SULT4A1: variants seen among roughly 807,000 people sequenced by gnomAD.
SULT4A1 encodes sulfotransferase 4A1.
A neutral mutation model predicts 35.2 loss-of-function variants in SULT4A1; 11 were observed. The observed-to-expected ratio is 0.31, with a 90% CI of 0.20 to 0.52. The LOEUF (loss-of-function observed/expected upper bound fraction) is 0.52. Among genes scored for constraint, SULT4A1 ranks in the 20% least tolerant of loss-of-function variants. The probability of loss-of-function intolerance (pLI) is 0.97; values close to 1 mark genes in which losing one functional copy is unlikely to be tolerated. For synonymous variants in SULT4A1, 152 were observed against 151.8 expected, an observed-to-expected ratio of 1.00 and a Z score of -0.01; for missense variants, 271 against 383.7, an observed-to-expected ratio of 0.71 and a Z score of 2.45.
chr22:43,839,010 C>A lies in SULT4A1; in HGVS notation c.382-17G>T. 1 of 1,613,046 alleles carries A rather than the reference C, an allele frequency of 6.2e-7. No homozygotes were observed. The highest frequency in any genetic ancestry group is 8.5e-7 in the Non-Finnish European group (1 of 1,179,154). Reference sequence around the variant, plus strand: ...ATAGATGACCTGTGGGTGACAGGAGCAGGATGAGTCCGTGTCTCCTTCCCT... The same window carrying A: ...ATAGATGACCTGTGGGTGACAGGAGAAGGATGAGTCCGTGTCTCCTTCCCT... On this transcript the variant is annotated splice_polypyrimidine_tract_variant and intron_variant, in intron 3 of 6. Coordinates refer to ENST00000330884, the MANE Select transcript of SULT4A1 (RefSeq NM_014351.4).
intron 6 of SULT4A1, among the ~76,000 whole-genome samples, chr22:43,828,642 C>T (rs181075810): frequency 6.6e-6 from 1 of 152,230 alleles, no homozygotes; most frequent in Non-Finnish European, 1.5e-5. Context: ...ATTTAACTCT[C>T]CCACAAGTCA....
intron 5 of SULT4A1, 104 bp downstream of exon 5, chr22:43,833,536 C>T: frequency 5.7e-6 from 5 of 871,946 alleles, no homozygotes; most frequent in Admixed American, 2.2e-5. Context: ...CTCCTCAGAC[C>T]CCTCCTCCTC....
At chr22:43,856,683 C>A (rs562702989) in intron 1 of SULT4A1, among the ~76,000 whole-genome samples, 25 of 152,286 alleles carry the variant, frequency 1.6e-4, no homozygotes, top group African/African-American at 5.3e-4. Context: ...TGAGAAAAAA[C>A]CTCTGGAAAC....
At chr22:43,834,055 GA>G (rs1276804763) in intron 4 of SULT4A1, among the ~76,000 whole-genome samples, 3 of 152,166 alleles carry the variant, frequency 2.0e-5, no homozygotes, top group Non-Finnish European at 2.9e-5. Context: ...GGAAGCCCTG[GA>G]ACAAAGCCCA....
intron 5 of SULT4A1, among the ~76,000 whole-genome samples, chr22:43,832,403 C>T (rs531577514): frequency 1.1e-4 from 17 of 152,304 alleles, no homozygotes; most frequent in Admixed American, 7.8e-4. Flanking sequence ...ATGCGCCAGC[C>T]GGCAGCAGAC....
chr22:43,849,498 G>A (rs2063497186), intron 1 of SULT4A1, among the ~76,000 whole-genome samples: 4 of 152,156 alleles, frequency 2.6e-5, no homozygotes, highest in Admixed American at 2.6e-4. Context: ...GTAACTGGAC[G>A]TCAGAGACTA....
chr22:43,832,939 C>T (rs1450579294), intron 5 of SULT4A1, among the ~76,000 whole-genome samples: 4 of 152,296 alleles, frequency 2.6e-5, no homozygotes, highest in Admixed American at 6.5e-5. Flanking sequence ...TGTCTGTCAG[C>T]CACTGACACT....
At chr22:43,860,962 G>A in intron 1 of SULT4A1, among the ~76,000 whole-genome samples, 1 of 152,020 alleles carries the variant, frequency 6.6e-6, no homozygotes, top group Admixed American at 6.6e-5. Flanking sequence ...CTGAGCCTCT[G>A]AAAAAAAGGT....
At chr22:43,841,463 C>T (rs1028971838) in intron 2 of SULT4A1, among the ~76,000 whole-genome samples, 7 of 152,162 alleles carry the variant, frequency 4.6e-5, no homozygotes, top group African/African-American at 1.7e-4. Flanking sequence ...ATATTTGATG[C>T]AAACACATCC....
chr22:43,826,243 G>T, intron 6 of SULT4A1, 130 bp from the exon 7 acceptor site: 1 of 1,475,530 alleles, frequency 6.8e-7, no homozygotes, highest in South Asian at 1.4e-5. Context: ...TGGCCTATGG[G>T]GGCAGGAAGG....
At position 43,825,761 on chromosome 22, in the gene SULT4A1, G is replaced by A. The variant is rs538666562; in HGVS notation, c.*240C>T. ...TTTATCCTTACGGTCCAGGCCATTG[G>A]AACTGCAATGTGGAGACTGTTTGTA... On this transcript the variant is annotated 3_prime_UTR_variant, in exon 7 of 7. Transcript: ENST00000330884. 3.2e-4 allele frequency: 151 copies of A among 469,860 alleles called. No homozygotes were observed. In the East Asian group the frequency reaches 6.1e-3, roughly 19 times the overall value. 29.1% of individuals were successfully genotyped at this position (469,860 alleles called of 1,614,324 possible). A position where few individuals can be genotyped will look rare whatever the true frequency, so the allele number is the denominator to read the frequency against.
chr22:43,839,082 G>A (rs1383274752), intron 3 of SULT4A1, 89 bp from the exon 4 acceptor site: 7 of 1,544,020 alleles, frequency 4.5e-6, no homozygotes, highest in Non-Finnish European at 6.2e-6. Flanking sequence ...TGAACCTGCT[G>A]GTGCACCTCA....
At chr22:43,838,832 C>T in intron 4 of SULT4A1, 35 bp downstream of exon 4, 1 of 1,612,560 alleles carries the variant, frequency 6.2e-7, no homozygotes, top group Non-Finnish European at 8.5e-7. Context: ...ACAGACGGCT[C>T]CGGTTCTAAC....
intron 1 of SULT4A1, among the ~76,000 whole-genome samples, chr22:43,856,064 C>G (rs1278210449): frequency 6.6e-6 from 1 of 152,200 alleles, no homozygotes; most frequent in Admixed American, 6.5e-5. Flanking sequence ...GAGTTCACAC[C>G]CAAACACAGG....
chr22:43,825,226 C>G lies in SULT4A1; in HGVS notation c.*775G>C, dbSNP rs1241258277. Reference sequence around the variant, plus strand: ...CAACTCGGTCCTTTGGTGGCCGACTCTCCACCCACTGCATGCAAATGCTCC... The same window carrying G: ...CAACTCGGTCCTTTGGTGGCCGACTGTCCACCCACTGCATGCAAATGCTCC... On this transcript the variant is annotated 3_prime_UTR_variant, in exon 7 of 7. Transcript: ENST00000330884. 1 of 152,260 alleles carries G rather than the reference C, an allele frequency of 6.6e-6. No individual in the cohort carries two copies. Among genetic ancestry groups the G allele is most frequent in the African/African-American group, 2.4e-5 (1 of 41,458 alleles). The allele number at this position is 152,260 out of a possible 1,614,324, so 9.4% of individuals were successfully genotyped here.
At chr22:43,851,505 T>G (rs1346699683) in intron 1 of SULT4A1, among the ~76,000 whole-genome samples, 2 of 152,142 alleles carry the variant, frequency 1.3e-5, no homozygotes, top group African/African-American at 2.4e-5. Context: ...GGGTCACACG[T>G]GCCTGGGGGA....
intron 1 of SULT4A1, among the ~76,000 whole-genome samples, chr22:43,858,925 T>C (rs2049434421): frequency 6.6e-6 from 1 of 152,070 alleles, no homozygotes; most frequent in Non-Finnish European, 1.5e-5. Flanking sequence ...ACCTGTCTCC[T>C]CCTCCATGCA....
chr22:43,848,281 G>A (rs2063489127), intron 1 of SULT4A1, among the ~76,000 whole-genome samples: 1 of 152,184 alleles, frequency 6.6e-6, no homozygotes, highest in African/African-American at 2.4e-5. Context: ...GACCTGCTGA[G>A]GCCCAAAGAG....
chr22:43,838,796 C>G, intron 4 of SULT4A1, 71 bp downstream of exon 4: 1 of 1,598,930 alleles, frequency 6.3e-7, no homozygotes, highest in South Asian at 1.1e-5. Flanking sequence ...GGGAAGCACC[C>G]AGCACCTGCC....
Sources: gnomAD v4.1 joint callset for allele counts (sites outside exome capture counted in the v4.1 genomes callset) on GRCh38, gnomAD v4.1.1 for gene constraint, MANE v1.5 for transcripts, NCBI Gene and HGNC (gene_info 2026-07-23, HGNC 2026-07-21) for gene names.